CCND3: variants seen among roughly 807,000 people sequenced by gnomAD.
The protein encoded by CCND3 is G1/S-specific cyclin-D3.
CCND3 carries 9 observed loss-of-function variants against 28.7 expected under a neutral mutation model. The ratio of observed to expected loss-of-function variants is 0.31; its 90% CI spans 0.19 to 0.55. CCND3 has a LOEUF of 0.55. Ranked by LOEUF, CCND3 falls within the 20% of genes least tolerant of loss-of-function variation. The pLI, the probability that CCND3 is intolerant of heterozygous loss-of-function variation, is 0.93. For synonymous variants in CCND3, 164 were observed against 163.9 expected (o/e 1.00, Z 0.00); for missense variants, 315 against 385.8 (o/e 0.82, Z 1.54).
intron 1 of CCND3, among the ~76,000 whole-genome samples, chr6:42,013,582 T>C (rs1763402120): frequency 6.6e-6 from 1 of 152,226 alleles, no homozygotes; most frequent in South Asian, 2.1e-4. Flanking sequence ...TTATTTGTAA[T>C]TCACACCCAG....
rs569745779 is a variant in CCND3 at position 42,034,601 on chromosome 6, C to A, written c.-46+13900G>T. 6.6e-5 allele frequency among the ~76,000 whole-genome samples: 10 copies of A among 151,454 alleles called. No individual in the cohort carries two copies. The South Asian group carries it at 8.4e-4, about 13-fold the overall frequency. ...CAAGCAATTCCCCTGCCTCAGCCTC[C>A]CGAGTAGCTGGGACTACAGGCTCGT... On this transcript the variant is annotated intron_variant, in intron 1 of 4. Coordinates refer to the CCND3 transcript ENST00000372988.
upstream of CCND3, among the ~76,000 whole-genome samples, chr6:41,945,317 C>T (rs1227252426): frequency 6.6e-6 from 1 of 152,148 alleles, no homozygotes; most frequent in Non-Finnish European, 1.5e-5. Context: ...AGTTCGAGAC[C>T]AGCCTGGCCA....
intron 1 of CCND3, among the ~76,000 whole-genome samples, chr6:41,985,077 AATATTTTCTCAC>A (rs1762449311): frequency 6.6e-6 from 1 of 152,084 alleles, no homozygotes. Context: ...GTGGTTTGCA[AATATTTTCTCAC>A]ATTCTGTAGG....
chr6:41,997,033 C>T (rs1762830096), intron 1 of CCND3, among the ~76,000 whole-genome samples: 1 of 152,170 alleles, frequency 6.6e-6, no homozygotes, highest in African/African-American at 2.4e-5. Flanking sequence ...AAGATATTAT[C>T]AAATGTCCCT....
intron 1 of CCND3, among the ~76,000 whole-genome samples, chr6:41,982,878 A>G (rs1486270639): frequency 2.0e-5 from 1 of 49,286 alleles, no homozygotes; most frequent in Non-Finnish European, 3.8e-5. Flanking sequence ...GGACATCCAC[A>G]TGCAAAAAAA....
chr6:42,004,110 T>C (rs9381117), intron 1 of CCND3, among the ~76,000 whole-genome samples: 15,779 of 147,750 alleles, frequency 0.11, 965 homozygotes, highest in East Asian at 0.26. Flanking sequence ...TTTTTTTTTT[T>C]CCTGAGACAG....
chr6:41,952,547 A>C (rs1776340359), intron 1 of CCND3, among the ~76,000 whole-genome samples: 1 of 152,226 alleles, frequency 6.6e-6, no homozygotes. Context: ...AGTGGAATTA[A>C]TTCCCCAGTA....
intron 1 of CCND3, among the ~76,000 whole-genome samples, chr6:42,042,001 G>A (rs1032057249): frequency 5.9e-5 from 9 of 152,198 alleles, no homozygotes; most frequent in Admixed American, 1.3e-4. Flanking sequence ...AGAACAAGAG[G>A]GAGGGTGAGT....
In CCND3 at chr6:42,041,489, C is replaced by G. The variant is rs574444420; in HGVS notation, c.-46+7012G>C. Among the ~76,000 whole-genome samples the G allele has an allele frequency of 1.4e-3, 219 of 152,242 alleles. 2 individuals carry two copies. The highest frequency in any genetic ancestry group is 1.0e-3 in the Non-Finnish European group (68 of 68,004). On this transcript the variant is annotated intron_variant, in intron 1 of 4. Coordinates refer to the CCND3 transcript ENST00000372988. ...CTCAGTACATCTGAGGGCTTGTAAC[C>G]CCAGGATGAAAATAGATGCCACATT...
At chr6:41,978,261 C>T (rs1274043068) in intron 1 of CCND3, among the ~76,000 whole-genome samples, 2 of 151,732 alleles carry the variant, frequency 1.3e-5, no homozygotes, top group Non-Finnish European at 2.9e-5. Context: ...GTAGTCCCAG[C>T]TACTCGGGAG....
chr6:41,996,818 C>CGT (rs1762823008), intron 1 of CCND3, among the ~76,000 whole-genome samples: 1 of 152,074 alleles, frequency 6.6e-6, no homozygotes, highest in Admixed American at 6.6e-5. Flanking sequence ...GTGTGCGCCA[C>CGT]CATGTCCAGC....
chr6:41,943,692 T>C (rs1317531028), upstream of CCND3, among the ~76,000 whole-genome samples: 3 of 152,350 alleles, frequency 2.0e-5, no homozygotes, highest in East Asian at 3.9e-4. Flanking sequence ...ACACTTCTAA[T>C]TGCCAAATTT....
chr6:41,978,915 C>G (rs1043969348), intron 1 of CCND3, among the ~76,000 whole-genome samples: 3 of 152,084 alleles, frequency 2.0e-5, no homozygotes, highest in Non-Finnish European at 2.9e-5. Context: ...GGGTGGCTCA[C>G]GCCTTTAATC....
At chr6:42,026,710 G>T (rs1763885827) in intron 1 of CCND3, among the ~76,000 whole-genome samples, 1 of 152,136 alleles carries the variant, frequency 6.6e-6, no homozygotes, top group African/African-American at 2.4e-5. Flanking sequence ...GCTAAGTGTG[G>T]CATGTGATCA....
chr6:42,022,891 C>G (rs185836749), intron 1 of CCND3, among the ~76,000 whole-genome samples: 1 of 147,522 alleles, frequency 6.8e-6, no homozygotes, highest in African/African-American at 2.7e-5. Flanking sequence ...AGAGCTGGCT[C>G]GGGGTGCTGG....
At position 42,048,503 on chromosome 6, in the gene CCND3, C is replaced by T. The variant is rs761539007; in HGVS notation, c.-48G>A. On this transcript the variant is annotated splice_region_variant and 5_prime_UTR_variant, in exon 1 of 5. Coordinates refer to the CCND3 transcript ENST00000372988. This position sits in a 1 kb window ranked among gnomAD's most constrained non-coding sequence, Gnocchi z 4.7. ...GTTTCTCCAGCACCCAAGCCTACCT[C>T]CTCGTCAGGTGACCTCCCCGGAGCA... 3.9e-6 allele frequency: 2 copies of T among 512,450 alleles called. No individual in the cohort carries two copies. The highest frequency in any genetic ancestry group is 2.8e-5 in the South Asian group (2 of 70,396). The allele number at this position is 512,450 out of a possible 1,614,324, so 31.7% of individuals were successfully genotyped here.
At chr6:42,042,948 C>T (rs866389036) in intron 1 of CCND3, among the ~76,000 whole-genome samples, 2 of 152,216 alleles carry the variant, frequency 1.3e-5, no homozygotes, top group African/African-American at 4.8e-5. Context: ...GCTCTCTCGA[C>T]CACTCCATGA....
At position 41,936,141 on chromosome 6, in the gene CCND3, C is replaced by T. The variant is rs1424045805; in HGVS notation, c.712-34G>A. 1.3e-6 allele frequency: 2 copies of T among 1,538,264 alleles called. No homozygotes were observed. Among genetic ancestry groups the T allele is most frequent in the South Asian group, 2.5e-5 (2 of 80,124 alleles). ...ATGGGAGAAGAGTGAGGAGCAAACA[C>T]TCCCCCCATAGCATCTGGCAGCAGG... is the stretch of plus-strand genomic sequence containing the variant. On this transcript the variant is annotated intron_variant, in intron 4 of 4. Coordinates refer to ENST00000372991, the MANE Select transcript of CCND3 (RefSeq NM_001760.5). This position sits in a 1 kb window ranked among gnomAD's most constrained non-coding sequence, Gnocchi z 4.4.
chr6:41,970,716 T>C (rs1366598964), intron 1 of CCND3, among the ~76,000 whole-genome samples: 1 of 152,170 alleles, frequency 6.6e-6, no homozygotes, highest in South Asian at 2.1e-4. Flanking sequence ...ACTACACCCA[T>C]GCGCTTCCAC....
Sources: allele counts gnomAD v4.1 joint callset (sites outside exome capture counted in the v4.1 genomes callset), GRCh38; gene constraint gnomAD v4.1.1; non-coding constraint Gnocchi (gnomAD v3.1); transcripts MANE v1.5; gene names NCBI Gene and HGNC (gene_info 2026-07-23, HGNC 2026-07-21).